The following POLA1 variants were observed in gnomAD, a reference collection of about 807,000 sequenced individuals.
POLA1 encodes DNA polymerase alpha 1, catalytic subunit, also known as DNA polymerase alpha catalytic subunit.
POLA1 carries 15 observed loss-of-function variants against 124.0 expected under a neutral mutation model. The ratio of observed to expected loss-of-function variants is 0.12; its 90% confidence interval spans 0.08 to 0.19. POLA1 has a LOEUF of 0.19. POLA1 is among the 10% of genes least tolerant of loss of function. The pLI is 1.00. For missense variants in POLA1, 886 were observed against 1,103.4 expected (o/e 0.80, Z 2.79); for synonymous variants, 408 against 389.4 (o/e 1.05, Z -0.56).
At chrX:24,922,456 A>G (rs2047632368) in intron 35 of POLA1, among the ~76,000 whole-genome samples, 1 of 111,407 alleles carries the variant, frequency 9.0e-6, no homozygotes, top group Non-Finnish European at 1.9e-5. Context: ...ATCAATATAG[A>G]TGTCTATTTT....
intron 34 of POLA1, among the ~76,000 whole-genome samples, chrX:24,886,884 C>A (rs777420776): frequency 8.9e-6 from 1 of 111,883 alleles, no homozygotes; most frequent in South Asian, 3.8e-4. Context: ...TCTCTACTTA[C>A]CAAACTTCCA....
intron 34 of POLA1, among the ~76,000 whole-genome samples, chrX:24,862,994 C>T (rs1247599878): frequency 8.9e-6 from 1 of 111,851 alleles, no homozygotes; most frequent in Non-Finnish European, 1.9e-5. Flanking sequence ...CTTCTGAATA[C>T]CTAACAGTTT....
At chrX:24,808,516 G>T (rs868252113) in intron 26 of POLA1, among the ~76,000 whole-genome samples, 4 of 102,367 alleles carry the variant, frequency 3.9e-5, no homozygotes, top group Admixed American at 3.2e-4. Flanking sequence ...GATATTGTTT[G>T]TTTTTTTTTT....
rs372950114 is a variant in POLA1 at position 24,727,061 on chromosome X, A to T, written c.1521A>T (p.Val507=). Reference sequence around the variant, plus strand: ...TCAAAGGACCTTGTTGGCTTGAAGTAAAAAGTCCACGTAAGGAAAAATACA... The same window carrying T: ...TCAAAGGACCTTGTTGGCTTGAAGTTAAAAGTCCACGTAAGGAAAAATACA... ...RKIKGPCWLE[V]KSPQLLNQPV... The change falls in exon 14 of 37, where the codon GTA becomes GTT. Residue 507 remains valine (V), a synonymous_variant. Transcript: ENST00000379068. 1.7e-6 allele frequency: 2 copies of T among 1,198,314 alleles called. No homozygotes were observed. Among genetic ancestry groups the T allele is most frequent in the Non-Finnish European group, 2.2e-6 (2 of 889,083 alleles).
chrX:24,984,271 A>G (rs2048454010), intron 36 of POLA1, among the ~76,000 whole-genome samples: 4 of 112,276 alleles, frequency 3.6e-5, no homozygotes, highest in African/African-American at 1.3e-4. Context: ...GAAACTGTGC[A>G]TAATAAACAT....
chrX:24,967,443 G>A (rs2048235958), intron 36 of POLA1, among the ~76,000 whole-genome samples: 1 of 110,496 alleles, frequency 9.1e-6, no homozygotes, highest in African/African-American at 3.3e-5. Flanking sequence ...GCTGAGGTGG[G>A]CAGATGGCTT....
At chrX:24,913,018 A>G (rs2147183361) in intron 35 of POLA1, among the ~76,000 whole-genome samples, 1 of 112,147 alleles carries the variant, frequency 8.9e-6, no homozygotes, top group Non-Finnish European at 1.9e-5. Flanking sequence ...TATTTACCCT[A>G]AAGAAGTACA....
chrX:24,841,526 G>A, intron 32 of POLA1, 126 bp from the exon 33 acceptor site: 1 of 394,150 alleles, frequency 2.5e-6, no homozygotes, highest in Non-Finnish European at 4.3e-6. Context: ...ATTTGTCCAT[G>A]TGCTTTTGAG....
chrX:24,892,270 G>T (rs1203400521), intron 35 of POLA1, among the ~76,000 whole-genome samples: 1 of 110,721 alleles, frequency 9.0e-6, no homozygotes, highest in Non-Finnish European at 1.9e-5. Flanking sequence ...ATTTAAATAC[G>T]AGAGTGAAAA....
intron 36 of POLA1, among the ~76,000 whole-genome samples, chrX:24,941,014 G>A (rs1383627670): frequency 9.0e-6 from 1 of 111,681 alleles, no homozygotes; most frequent in Non-Finnish European, 1.9e-5. Flanking sequence ...TTTTAAAATT[G>A]CATATTTTTT....
intron 34 of POLA1, among the ~76,000 whole-genome samples, chrX:24,871,897 A>T (rs2046870421): frequency 8.9e-6 from 1 of 112,081 alleles, no homozygotes. Context: ...CTAAAGTTTC[A>T]GTCCCAAAGT....
chrX:24,883,561 T>C (rs190035118), intron 34 of POLA1, among the ~76,000 whole-genome samples: 4 of 112,190 alleles, frequency 3.6e-5, no homozygotes, highest in Non-Finnish European at 7.5e-5. Flanking sequence ...CAATCAACAT[T>C]TGACACAATT....
At chrX:24,802,550 T>C (rs1170313511) in intron 26 of POLA1, among the ~76,000 whole-genome samples, 1 of 111,782 alleles carries the variant, frequency 8.9e-6, no homozygotes, top group African/African-American at 3.3e-5. Context: ...TGGCAAAGTG[T>C]GAAGATTGGC....
chrX:24,735,559 G>T (rs761469820), intron 18 of POLA1, 71 bp downstream of exon 18: 1 of 605,958 alleles, frequency 1.7e-6, no homozygotes, highest in Admixed American at 2.4e-5. Context: ...GACTTTATTG[G>T]TGCTTTTGAG....
intron 35 of POLA1, among the ~76,000 whole-genome samples, chrX:24,927,027 G>A (rs755372789): frequency 1.1e-4 from 12 of 108,347 alleles, no homozygotes; most frequent in South Asian, 8.4e-4. Flanking sequence ...TAGTAGAGAC[G>A]GGGTTTCACC....
intron 26 of POLA1, among the ~76,000 whole-genome samples, chrX:24,791,315 T>C (rs1322718619): frequency 8.9e-6 from 1 of 111,955 alleles, no homozygotes; most frequent in Non-Finnish European, 1.9e-5. Context: ...CATCAGACTT[T>C]GGAGGAAGCA....
chrX:24,891,531 A>G (rs1209082919), intron 35 of POLA1, among the ~76,000 whole-genome samples: 1 of 111,938 alleles, frequency 8.9e-6, no homozygotes, highest in Non-Finnish European at 1.9e-5. Context: ...AGATAGTTCT[A>G]GAGAAGTTCA....
At chrX:24,714,763 G>T in intron 5 of POLA1, 94 bp downstream of exon 5, 2 of 489,871 alleles carry the variant, frequency 4.1e-6, no homozygotes, top group South Asian at 8.8e-5. Flanking sequence ...GTATATATTT[G>T]AGTAACATTT....
At chrX:24,709,449 C>T (rs1370792887) in intron 4 of POLA1, among the ~76,000 whole-genome samples, 3 of 106,790 alleles carry the variant, frequency 2.8e-5, no homozygotes, top group African/African-American at 1.0e-4. Context: ...CTGACCCCCC[C>T]ACCTCCCTCC....
Sources: gnomAD v4.1 joint callset for allele counts (sites outside exome capture counted in the v4.1 genomes callset) on GRCh38, gnomAD v4.1.1 for gene constraint, MANE v1.5 for transcripts, NCBI Gene and HGNC (gene_info 2026-07-23, HGNC 2026-07-21) for gene names.